GFRA1: variants seen among roughly 807,000 people sequenced by gnomAD.
The protein encoded by GFRA1 is GDNF family receptor alpha-1.
GFRA1 carries 16 observed loss-of-function variants against 51.6 expected under a neutral mutation model. The ratio of observed to expected loss-of-function variants is 0.31; its 90% CI spans 0.21 to 0.47. The LOEUF is 0.47. Ranked by LOEUF, GFRA1 falls within the 20% of genes least tolerant of loss-of-function variation. The pLI is 1.00. For synonymous variants in GFRA1, 270 were observed against 241.3 expected (o/e 1.12, Z -1.10); for missense variants, 530 against 594.3 (o/e 0.89, Z 1.13).
At chr10:116,128,753 T>A (rs1957981474) in intron 5 of GFRA1, among the ~76,000 whole-genome samples, 1 of 147,076 alleles carries the variant, frequency 6.8e-6, no homozygotes, top group African/African-American at 2.6e-5. Flanking sequence ...AAAAAAAAAT[T>A]GGCCTAGGTT....
At chr10:116,234,836 C>A (rs552663228) in intron 4 of GFRA1, among the ~76,000 whole-genome samples, 1 of 152,132 alleles carries the variant, frequency 6.6e-6, no homozygotes, top group South Asian at 2.1e-4. Flanking sequence ...TGGGAGGGAC[C>A]CGATGGGAGG....
chr10:116,243,307 T>A (rs1374339722), intron 4 of GFRA1, among the ~76,000 whole-genome samples: 1 of 152,102 alleles, frequency 6.6e-6, no homozygotes, highest in East Asian at 1.9e-4. Context: ...AAAAGAGTTA[T>A]CTTTTACAGA....
intron 4 of GFRA1, among the ~76,000 whole-genome samples, chr10:116,223,528 T>C (rs1042923439): frequency 1.3e-5 from 2 of 152,184 alleles, no homozygotes; most frequent in African/African-American, 4.8e-5. Context: ...GTCATGGCTG[T>C]GCATGGCAGG....
At chr10:116,159,350 T>C (rs752916573) in intron 5 of GFRA1, among the ~76,000 whole-genome samples, 3 of 152,180 alleles carry the variant, frequency 2.0e-5, no homozygotes, top group African/African-American at 7.2e-5. Context: ...CACTGGGTCA[T>C]ACTGGTTTCA....
intron 5 of GFRA1, among the ~76,000 whole-genome samples, chr10:116,165,110 T>C (rs1960239617): frequency 6.6e-6 from 1 of 152,198 alleles, no homozygotes. Flanking sequence ...CTTTGGGTCC[T>C]GAAATCTCTG....
At position 116,260,394 on chromosome 10, in the gene GFRA1, C is replaced by T. The variant is rs80255582; in HGVS notation, c.418+9109G>A. On this transcript the variant is annotated intron_variant, in intron 4 of 10. Coordinates refer to ENST00000355422, the MANE Select transcript of GFRA1 (RefSeq NM_005264.8). ...GGCAGATATACAAGTGTATGTATGC[C>T]TATGTGTCTGTATACGTGTTTATAA... Among the ~76,000 whole-genome samples, 13 of 152,132 alleles carry T rather than the reference C, an allele frequency of 8.5e-5. No individual in the cohort carries two copies. The East Asian group carries it at 2.5e-3, about 29-fold the overall frequency.
At chr10:116,100,869 A>G (rs141474511) in intron 6 of GFRA1, among the ~76,000 whole-genome samples, 14 of 152,312 alleles carry the variant, frequency 9.2e-5, no homozygotes, top group Admixed American at 3.3e-4. Context: ...TGTGGATATC[A>G]ATAGAATGAA....
chr10:116,117,589 ATGGATGGATGGG>A (rs1347647380), intron 6 of GFRA1, among the ~76,000 whole-genome samples: 31 of 113,878 alleles, frequency 2.7e-4, no homozygotes, highest in African/African-American at 8.3e-4. Context: ...GGATGGATGG[ATGGATGGATGGG>A]TGGATGGGTG....
intron 5 of GFRA1, among the ~76,000 whole-genome samples, chr10:116,169,683 A>G (rs956926023): frequency 2.0e-5 from 3 of 152,174 alleles, no homozygotes; most frequent in African/African-American, 7.2e-5. Flanking sequence ...TTCCCACTCC[A>G]TCCCCTTTCC....
intron 7 of GFRA1, among the ~76,000 whole-genome samples, chr10:116,095,954 C>A (rs1956552134): frequency 2.6e-5 from 4 of 152,074 alleles, no homozygotes; most frequent in South Asian, 4.1e-4. Context: ...ACCTGCCTTT[C>A]CCCCTGACAG....
rs535924327 is a variant in GFRA1, at chr10:116,261,586, T to C, written c.418+7917A>G. Among the ~76,000 whole-genome samples, 40 of 152,338 alleles carry C rather than the reference T, an allele frequency of 2.6e-4. No individual in the cohort carries two copies. The East Asian group carries it at 7.3e-3, about 28-fold the overall frequency. On this transcript the variant is annotated intron_variant, in intron 4 of 10. Transcript: ENST00000355422. ...TCTTCTTCCATGTATTCAAATAAGA[T>C]GCCTTAAATACATTCTAGTTCAAAG...
intron 5 of GFRA1, among the ~76,000 whole-genome samples, chr10:116,200,059 T>C (rs939199749): frequency 6.6e-6 from 1 of 152,254 alleles, no homozygotes; most frequent in African/African-American, 2.4e-5. Flanking sequence ...TTTTTGCTTT[T>C]TATAGTTGAG....
chr10:116,101,138 A>G (rs550192642), intron 6 of GFRA1, among the ~76,000 whole-genome samples: 93 of 152,330 alleles, frequency 6.1e-4, no homozygotes, highest in African/African-American at 2.2e-3. Context: ...GCCCCAGGAC[A>G]GCTCCTTCTG....
intron 4 of GFRA1, among the ~76,000 whole-genome samples, chr10:116,234,837 C>T (rs908256494): frequency 2.6e-5 from 4 of 152,006 alleles, no homozygotes; most frequent in African/African-American, 7.3e-5. Flanking sequence ...GGGAGGGACC[C>T]GATGGGAGGT....
chr10:116,119,720 A>G (rs1957566489), intron 6 of GFRA1, among the ~76,000 whole-genome samples: 3 of 152,230 alleles, frequency 2.0e-5, no homozygotes, highest in African/African-American at 4.8e-5. Context: ...TCTAAGATCC[A>G]CAGTTTATTG....
intron 5 of GFRA1, among the ~76,000 whole-genome samples, chr10:116,139,372 C>A (rs550224591): frequency 3.3e-5 from 5 of 152,316 alleles, no homozygotes; most frequent in African/African-American, 9.6e-5. Context: ...TTCCACCTAG[C>A]TATTTGCTCA....
intron 9 of GFRA1, among the ~76,000 whole-genome samples, chr10:116,072,043 A>G (rs1386010824): frequency 6.6e-6 from 1 of 151,806 alleles, no homozygotes; most frequent in Non-Finnish European, 1.5e-5. Context: ...GGTCCTTTAT[A>G]GTCATCTCAC....
intron 5 of GFRA1, among the ~76,000 whole-genome samples, chr10:116,143,661 TC>T (rs1958671620): frequency 3.6e-4 from 2 of 5,576 alleles, no homozygotes; most frequent in South Asian, 4.0e-3. Context: ...ATTCATTCTC[TC>T]TCTCTCTCTC....
In GFRA1 at chr10:116,269,489, A is replaced by G. The variant is rs1281998887; in HGVS notation, c.418+14T>C. The G allele has an allele frequency of 5.4e-6, 8 of 1,478,246 alleles. No homozygotes were observed. The highest frequency in any genetic ancestry group is 7.6e-6 in the Non-Finnish European group (8 of 1,056,136). 91.6% of individuals were successfully genotyped at this position (1,478,246 alleles called of 1,614,324 possible). ...CACACAAAGGCATCAGCATGGAAGT[A>G]TAAATCTGCTTACCTGATATGAATG... On this transcript the variant is annotated intron_variant, in intron 4 of 10. Coordinates refer to ENST00000355422, the MANE Select transcript of GFRA1 (RefSeq NM_005264.8).
Sources: gnomAD v4.1 joint callset for allele counts (sites outside exome capture counted in the v4.1 genomes callset) on GRCh38, gnomAD v4.1.1 for gene constraint, MANE v1.5 for transcripts, NCBI Gene and HGNC (gene_info 2026-07-23, HGNC 2026-07-21) for gene names.